Variants in SLC25A37 observed in about 807,000 individuals in gnomAD.
SLC25A37 encodes solute carrier family 25 member 37.
SLC25A37 carries 17 observed loss-of-function variants against 31.0 expected under a neutral mutation model. That is an observed-to-expected ratio of 0.55 (90% CI 0.38 to 0.82). The LOEUF is 0.82. SLC25A37 is among the 40% of genes least tolerant of loss of function. The pLI is 0.00. For synonymous variants in SLC25A37, 222 were observed against 193.0 expected, an observed-to-expected ratio of 1.15 and a Z score of -1.24; for missense variants, 404 against 465.8, an observed-to-expected ratio of 0.87 and a Z score of 1.22.
At chr8:23,565,421 A>G (rs1802627085) in intron 1 of SLC25A37, among the ~76,000 whole-genome samples, 1 of 152,126 alleles carries the variant, frequency 6.6e-6, no homozygotes, top group African/African-American at 2.4e-5. Context: ...AGAAATTAAG[A>G]ATGCTGCTGT....
intron 1 of SLC25A37, among the ~76,000 whole-genome samples, chr8:23,564,275 A>G (rs1408214790): frequency 6.6e-6 from 1 of 152,078 alleles, no homozygotes. Flanking sequence ...CGTTCCTCCA[A>G]GCCCTGGGGT....
In SLC25A37 at chr8:23,571,206, G is replaced by A. The variant is rs1802819253; in HGVS notation, c.497-129G>A. 4 of 1,136,260 alleles carry A rather than the reference G, an allele frequency of 3.5e-6. No homozygotes were observed. In the South Asian group the frequency reaches 4.9e-5, roughly 14 times the overall value. The allele number at this position is 1,136,260 out of a possible 1,614,324, so 70.4% of individuals were successfully genotyped here. A position where few individuals can be genotyped will look rare whatever the true frequency, so the allele number is the denominator to read the frequency against. On this transcript the variant is annotated intron_variant, in intron 3 of 3. Coordinates refer to ENST00000519973, the MANE Select transcript of SLC25A37 (RefSeq NM_016612.4). ...ACTAGGGCTGTGTGTGCTGGCTCTC[G>A]CCTGTTTCCGGTGTCTAACTGGCTT...
intron 1 of SLC25A37, among the ~76,000 whole-genome samples, chr8:23,530,347 C>T (rs1156365856): frequency 1.3e-5 from 2 of 152,242 alleles, no homozygotes; most frequent in South Asian, 2.1e-4. Context: ...CCCACAGAGG[C>T]ACCCCCAGCA....
intron 1 of SLC25A37, among the ~76,000 whole-genome samples, chr8:23,539,508 G>T (rs560114089): frequency 2.1e-4 from 32 of 152,334 alleles, no homozygotes; most frequent in African/African-American, 7.0e-4. Context: ...AGGAGTGTTT[G>T]TGTGTCAGAC....
intron 1 of SLC25A37, among the ~76,000 whole-genome samples, chr8:23,533,599 C>T (rs1048809064): frequency 6.6e-6 from 1 of 152,246 alleles, no homozygotes; most frequent in African/African-American, 2.4e-5. Flanking sequence ...TCTCTGACTT[C>T]AGGGGTTTCC....
Position 23,529,256 on chromosome 8 carries a change from AGC to A in SLC25A37, c.210+55_210+56del, listed in dbSNP as rs748338622. On this transcript the variant is annotated intron_variant, in intron 1 of 3. Coordinates refer to ENST00000519973, the MANE Select transcript of SLC25A37 (RefSeq NM_016612.4). The surrounding 1 kb of genome is among the most constrained non-coding windows in gnomAD (Gnocchi z 4.1). ...TCGGGGACGCAACGAGCGGAGAAGG[AGC>A]GCGCGCGCGCATTTGCATCCCGCGC... The A allele has an allele frequency of 8.0e-5, 124 of 1,555,702 alleles. No homozygotes were observed. The highest frequency in any genetic ancestry group is 2.2e-4 in the Admixed American group (12 of 53,568).
intron 1 of SLC25A37, among the ~76,000 whole-genome samples, chr8:23,553,544 G>A (rs1802284504): frequency 6.6e-6 from 1 of 152,224 alleles, no homozygotes; most frequent in African/African-American, 2.4e-5. Context: ...GAGTCAAGGG[G>A]AGGCCCTGGG....
intron 1 of SLC25A37, among the ~76,000 whole-genome samples, chr8:23,539,434 T>C (rs1801845207): frequency 6.6e-6 from 1 of 152,174 alleles, no homozygotes; most frequent in African/African-American, 2.4e-5. Flanking sequence ...TAGCCAACAG[T>C]GTTTATTCCC....
chr8:23,530,414 A>G (rs993796188), intron 1 of SLC25A37, among the ~76,000 whole-genome samples: 5 of 152,250 alleles, frequency 3.3e-5, no homozygotes, highest in Non-Finnish European at 5.9e-5. Flanking sequence ...GCCAGAAAGT[A>G]TAACTCAGAG....
At chr8:23,568,530 A>G in intron 3 of SLC25A37, 152 bp downstream of exon 3, 7 of 807,742 alleles carry the variant, frequency 8.7e-6, no homozygotes, top group East Asian at 4.9e-5. Flanking sequence ...TTACTACGTT[A>G]TCAAAGGCCT....
chr8:23,529,336 C>A lies in SLC25A37; in HGVS notation c.210+124C>A. On this transcript the variant is annotated intron_variant, in intron 1 of 3. Coordinates refer to ENST00000519973, the MANE Select transcript of SLC25A37 (RefSeq NM_016612.4). This position sits in a 1 kb window ranked among gnomAD's most constrained non-coding sequence, Gnocchi z 4.1. ...AACCGAGCTCTCCCCAGGACCGCGG[C>A]TGGCCGGGGTCGCCCCAGGAGCAGC... 1 of 930,552 alleles carries A rather than the reference C, an allele frequency of 1.1e-6. No individual in the cohort carries two copies. The highest frequency in any genetic ancestry group is 1.5e-6 in the Non-Finnish European group (1 of 670,114). 57.6% of individuals were successfully genotyped at this position (930,552 alleles called of 1,614,324 possible).
intron 1 of SLC25A37, chr8:23,541,793 G>C (rs1801901343): frequency 1.3e-5 from 2 of 152,492 alleles, no homozygotes; most frequent in Admixed American, 1.3e-4. Context: ...GCCGGCTGAT[G>C]ATCAGATCCA....
At chr8:23,568,694 AT>A (rs71806984) in intron 3 of SLC25A37, 1 of 342,072 alleles carries the variant, frequency 2.9e-6, no homozygotes, top group Admixed American at 4.1e-5. Flanking sequence ...TAATCCCAGC[AT>A]TTTTTGGGAG....
At chr8:23,554,683 G>A (rs941778073) in intron 1 of SLC25A37, among the ~76,000 whole-genome samples, 1 of 152,192 alleles carries the variant, frequency 6.6e-6, no homozygotes, top group Non-Finnish European at 1.5e-5. Context: ...TGTGGGAATG[G>A]CACCCTCTGA....
Position 23,529,302 on chromosome 8 carries a change from G to C in SLC25A37, c.210+90G>C. 1 of 1,330,010 alleles carries C rather than the reference G, an allele frequency of 7.5e-7. No individual in the cohort carries two copies. Among genetic ancestry groups the C allele is most frequent in the Non-Finnish European group, 1.0e-6 (1 of 986,234 alleles). 82.4% of individuals were successfully genotyped at this position (1,330,010 alleles called of 1,614,324 possible). A position where few individuals can be genotyped will look rare whatever the true frequency, so the allele number is the denominator to read the frequency against. On this transcript the variant is annotated intron_variant, in intron 1 of 3. Transcript: ENST00000519973. This position sits in a 1 kb window ranked among gnomAD's most constrained non-coding sequence, Gnocchi z 4.1. The stretch of plus-strand genomic sequence containing the variant: ...CCCGCGCGCCGGCAGCCTCGGGGCA[G>C]CGTCCCGAAACCGAGCTCTCCCCAG...
chr8:23,571,246 C>T (rs992140526), intron 3 of SLC25A37, 89 bp from the exon 4 acceptor site: 114 of 1,419,660 alleles, frequency 8.0e-5, no homozygotes, highest in Non-Finnish European at 1.0e-4. Context: ...CTCTTTATGG[C>T]TTGGCTTCAT....
chr8:23,561,220 A>G (rs1802506548), intron 1 of SLC25A37, among the ~76,000 whole-genome samples: 2 of 147,188 alleles, frequency 1.4e-5, no homozygotes, highest in African/African-American at 5.1e-5. Flanking sequence ...CTTTCACAGC[A>G]CAAAGATACC....
At chr8:23,560,626 G>A (rs1345717754) in intron 1 of SLC25A37, among the ~76,000 whole-genome samples, 5 of 152,214 alleles carry the variant, frequency 3.3e-5, no homozygotes, top group South Asian at 2.1e-4. Context: ...TGGTCCCAGC[G>A]GGGGCCTGAC....
Position 23,571,410 on chromosome 8 carries a change from C to T in SLC25A37, c.572C>T (p.Thr191Ile). The change falls in exon 4 of 4, where the codon ACC becomes ATC. Residue 191 changes from threonine (T) to isoleucine (I), a missense_variant. Transcript: ENST00000519973. ...AISCIRTVWR[T>I]EGLGAFYRSY... ...AGCTGCATCCGGACGGTGTGGAGGACCGAGGGGTTGGGGGCCTTCTACCGG... is the reference window on the plus strand; with the variant it reads ...AGCTGCATCCGGACGGTGTGGAGGATCGAGGGGTTGGGGGCCTTCTACCGG... The T allele has an allele frequency of 6.2e-7, 1 of 1,613,698 alleles. No homozygotes were observed. The highest frequency in any genetic ancestry group is 8.5e-7 in the Non-Finnish European group (1 of 1,179,734).
Sources: allele counts gnomAD v4.1 joint callset (sites outside exome capture counted in the v4.1 genomes callset), GRCh38; gene constraint gnomAD v4.1.1; non-coding constraint Gnocchi (gnomAD v3.1); transcripts MANE v1.5; gene names NCBI Gene and HGNC (gene_info 2026-07-23, HGNC 2026-07-21).